STX18: variants seen among roughly 807,000 people sequenced by gnomAD.
STX18 encodes syntaxin-18.
In STX18, 40 loss-of-function variants were observed where a neutral mutation model predicts 50.1. The ratio of observed to expected loss-of-function variants is 0.80; its 90% CI spans 0.62 to 1.04. The LOEUF is 1.04. Ranked by LOEUF, STX18 falls within the 50% of genes least tolerant of loss-of-function variation. The pLI, the probability that STX18 is intolerant of heterozygous loss-of-function variation, is 0.00. For synonymous variants in STX18, 158 were observed against 151.8 expected (o/e 1.04, Z -0.30); for missense variants, 410 against 415.8 (o/e 0.99, Z 0.12).
At chr4:4,519,439 G>A (rs948483844) in intron 1 of STX18, among the ~76,000 whole-genome samples, 2 of 151,544 alleles carry the variant, frequency 1.3e-5, no homozygotes, top group African/African-American at 2.4e-5. Context: ...TTTATGGAAA[G>A]TCCTAATGAA....
At chr4:4,542,301 G>T (rs536424164), upstream of STX18, 49 of 227,524 alleles carry the variant, frequency 2.2e-4, no homozygotes, top group African/African-American at 1.0e-3. Context: ...TGAGGACCGG[G>T]AAGCTAGGAG....
chr4:4,540,937 T>C (rs1349981396), intron 1 of STX18, among the ~76,000 whole-genome samples: 1 of 152,214 alleles, frequency 6.6e-6, no homozygotes, highest in East Asian at 1.9e-4. Context: ...TCTGAATCTT[T>C]CTTGGTGATT....
chr4:4,451,403 T>G (rs1350052008), intron 5 of STX18, among the ~76,000 whole-genome samples: 1 of 152,258 alleles, frequency 6.6e-6, no homozygotes, highest in African/African-American at 2.4e-5. Context: ...GTGGCTCTTA[T>G]ACAGCCGTAC....
chr4:4,484,072 C>T (rs924728942), intron 1 of STX18, among the ~76,000 whole-genome samples: 1 of 152,120 alleles, frequency 6.6e-6, no homozygotes, highest in South Asian at 2.1e-4. Context: ...CCATGTTAGC[C>T]AGGATGGTCT....
rs571186330 is a variant in STX18 at position 4,520,819 on chromosome 4, C to T, written c.168+20978G>A. ...AATGTACTCAAAGCAACAAAACTTC[C>T]TCCAGGTTAATCAAAGACTCCTGCC... is the stretch of plus-strand genomic sequence containing the variant. On this transcript the variant is annotated intron_variant, in intron 1 of 10. Transcript: ENST00000306200. 8.5e-5 allele frequency among the ~76,000 whole-genome samples: 13 copies of T among 152,254 alleles called. No individual in the cohort carries two copies. The East Asian group carries it at 2.5e-3, about 29-fold the overall frequency.
At chr4:4,457,906 T>C (rs1341308118) in intron 3 of STX18, among the ~76,000 whole-genome samples, 1 of 152,088 alleles carries the variant, frequency 6.6e-6, no homozygotes, top group Non-Finnish European at 1.5e-5. Flanking sequence ...CCCCATCCTC[T>C]CCCCTTGGCC....
chr4:4,500,012 A>T (rs1391450053), intron 1 of STX18, among the ~76,000 whole-genome samples: 1 of 152,184 alleles, frequency 6.6e-6, no homozygotes, highest in South Asian at 2.1e-4. Flanking sequence ...TGACTATCCC[A>T]GCACAGGCAT....
intron 1 of STX18, among the ~76,000 whole-genome samples, chr4:4,482,706 G>T (rs1222591591): frequency 6.6e-6 from 1 of 152,110 alleles, no homozygotes; most frequent in Non-Finnish European, 1.5e-5. Flanking sequence ...GCTTCTCTCT[G>T]CCCAGAATGT....
intron 1 of STX18, among the ~76,000 whole-genome samples, chr4:4,491,416 A>C (rs980061713): frequency 2.6e-5 from 4 of 152,146 alleles, no homozygotes; most frequent in Non-Finnish European, 5.9e-5. Flanking sequence ...CTAACGTAGG[A>C]AAAAGGATAT....
chr4:4,471,803 G>T (rs184815406), intron 1 of STX18, 97 bp from the exon 2 acceptor site: 36 of 905,146 alleles, frequency 4.0e-5, no homozygotes, highest in Admixed American at 3.7e-4. Flanking sequence ...ATTGCAGAAA[G>T]ATTCTGAAGC....
intron 6 of STX18, among the ~76,000 whole-genome samples, chr4:4,438,050 C>G (rs1480471784): frequency 6.6e-6 from 1 of 152,234 alleles, no homozygotes; most frequent in Non-Finnish European, 1.5e-5. Context: ...CAGCTCAGAG[C>G]TGACATGCAG....
At chr4:4,501,324 AC>A (rs1281253988) in intron 1 of STX18, among the ~76,000 whole-genome samples, 4 of 152,034 alleles carry the variant, frequency 2.6e-5, no homozygotes, top group African/African-American at 9.7e-5. Context: ...GCCTCACAGC[AC>A]CCCTCCCAGC....
At chr4:4,458,895 G>A (rs760297395) in intron 3 of STX18, among the ~76,000 whole-genome samples, 44 of 152,082 alleles carry the variant, frequency 2.9e-4, no homozygotes, top group South Asian at 6.2e-4. Flanking sequence ...TCCTAACCTT[G>A]AAGGTTTGAT....
intron 1 of STX18, among the ~76,000 whole-genome samples, chr4:4,488,889 T>C (rs906748909): frequency 1.8e-4 from 28 of 152,172 alleles, no homozygotes; most frequent in African/African-American, 6.5e-4. Context: ...CATTTTCTGC[T>C]TCACATCAGC....
At chr4:4,480,631 C>A (rs1728414190) in intron 1 of STX18, among the ~76,000 whole-genome samples, 1 of 152,176 alleles carries the variant, frequency 6.6e-6, no homozygotes, top group Admixed American at 6.5e-5. Flanking sequence ...ATTTAATGCT[C>A]CACATGGGAT....
In STX18 at chr4:4,505,120, T is replaced by C. The variant is rs1729639945; in HGVS notation, c.169-33414A>G. ...AGTGCTGGGCAACCGATTTACTTTCTGACTCTATGGATTTGCCTGTTCTGG... is the reference window on the plus strand; with the variant it reads ...AGTGCTGGGCAACCGATTTACTTTCCGACTCTATGGATTTGCCTGTTCTGG... On this transcript the variant is annotated intron_variant, in intron 1 of 10. Coordinates refer to ENST00000306200, the MANE Select transcript of STX18 (RefSeq NM_016930.4). Among the ~76,000 whole-genome samples, 6 of 152,366 alleles carry C rather than the reference T, an allele frequency of 3.9e-5. No homozygotes were observed. In the South Asian group the frequency reaches 1.2e-3, roughly 32 times the overall value.
At chr4:4,468,492 G>A (rs773878244) in intron 2 of STX18, among the ~76,000 whole-genome samples, 1 of 151,988 alleles carries the variant, frequency 6.6e-6, no homozygotes, top group African/African-American at 2.4e-5. Flanking sequence ...ACGCAGCATC[G>A]CTCCTGCCTT....
chr4:4,514,645 T>A (rs970317834), intron 1 of STX18, among the ~76,000 whole-genome samples: 4 of 152,162 alleles, frequency 2.6e-5, no homozygotes, highest in African/African-American at 7.2e-5. Flanking sequence ...TAGTCTTTGA[T>A]CCGAAGGAGC....
At chr4:4,442,825 C>T (rs1411549355) in intron 5 of STX18, among the ~76,000 whole-genome samples, 1 of 146,454 alleles carries the variant, frequency 6.8e-6, no homozygotes, top group Non-Finnish European at 1.5e-5. Context: ...AAAAAAAGCC[C>T]CACCATAGGT....
Sources: gnomAD v4.1 joint callset for allele counts (sites outside exome capture counted in the v4.1 genomes callset) on GRCh38, gnomAD v4.1.1 for gene constraint, MANE v1.5 for transcripts, NCBI Gene and HGNC (gene_info 2026-07-23, HGNC 2026-07-21) for gene names.